Variants in LRRK1 observed in about 807,000 individuals in gnomAD.
The protein encoded by LRRK1 is leucine-rich repeat serine/threonine-protein kinase 1.
LRRK1 carries 113 observed loss-of-function variants against 209.1 expected under a neutral mutation model. The observed-to-expected ratio is 0.54, with a 90% CI of 0.46 to 0.63. The LOEUF (loss-of-function observed/expected upper bound fraction) is 0.63. Ranked by LOEUF, LRRK1 falls within the 30% of genes least tolerant of loss-of-function variation. The pLI is 0.00. For synonymous variants in LRRK1, 1,144 were observed against 1,099.7 expected (o/e 1.04, Z -0.80); for missense variants, 2,284 against 2,632.2 (o/e 0.87, Z 2.89).
At chr15:101,011,805 C>T (rs917947116) in intron 9 of LRRK1, among the ~76,000 whole-genome samples, 11 of 152,192 alleles carry the variant, frequency 7.2e-5, no homozygotes, top group African/African-American at 2.7e-4. Flanking sequence ...CAGGAAACCC[C>T]ATTCCTGTCC....
intron 27 of LRRK1, 103 bp downstream of exon 27, chr15:101,055,326 C>T: frequency 3.5e-6 from 4 of 1,131,668 alleles, no homozygotes; most frequent in Non-Finnish European, 1.2e-6. Flanking sequence ...GCTCAGCATC[C>T]CCAAAAGCAC....
At position 101,022,440 on chromosome 15, in the gene LRRK1, A is replaced by G. The variant is rs1305528910; in HGVS notation, c.1910A>G (p.Lys637Arg). The G allele has an allele frequency of 7.4e-6, 12 of 1,614,238 alleles. No homozygotes were observed. Among genetic ancestry groups the G allele is most frequent in the Non-Finnish European group, 1.0e-5 (12 of 1,180,040 alleles). The change falls in exon 15 of 34, where the codon AAG becomes AGG. Residue 637 changes from lysine (K) to arginine (R), a missense_variant. Around this residue, in one of 6 missense-constraint regions of LRRK1, gnomAD observed 494 missense variants for 522.1 expected, o/e 0.95. Transcript: ENST00000388948. The surrounding 1 kb of genome is among the most constrained non-coding windows in gnomAD (Gnocchi z 4.0). ...RAQLRKAEKC[K>R]LMKMIIVGPP... The stretch of plus-strand genomic sequence containing the variant: ...CAGCTGCGGAAAGCGGAAAAGTGCA[A>G]GCTGATGAAGATGATCATCGTGGGT...
At chr15:100,943,482 T>G (rs2042480403) in intron 2 of LRRK1, among the ~76,000 whole-genome samples, 1 of 152,220 alleles carries the variant, frequency 6.6e-6, no homozygotes, top group South Asian at 2.1e-4. Context: ...AACAAATTTC[T>G]ATCTTTGTTG....
intron 3 of LRRK1, among the ~76,000 whole-genome samples, chr15:100,980,622 T>G (rs2031546739): frequency 6.6e-6 from 1 of 152,214 alleles, no homozygotes; most frequent in African/African-American, 2.4e-5. Context: ...CGGGGGAAAC[T>G]GGATGAAGGA....
intron 20 of LRRK1, chr15:101,043,956 A>G (rs766914283): frequency 1.3e-5 from 2 of 152,204 alleles, no homozygotes; most frequent in African/African-American, 4.8e-5. Context: ...CAGTATTGAC[A>G]GTCCAGTTAT....
chr15:101,046,276 C>A, intron 21 of LRRK1, 124 bp downstream of exon 21: 3 of 1,094,764 alleles, frequency 2.7e-6, no homozygotes, highest in Non-Finnish European at 4.0e-6. Context: ...AGAGCCATGC[C>A]ACCAATGTAG....
In LRRK1 at chr15:101,004,363, C is replaced by T. The variant is rs1035259273; in HGVS notation, c.763-4474C>T. ...AGTGGGCTAGGGAGAGCTGAAAGGT[C>T]TTGCGCAGACTTTGATATTTCAGGA... On this transcript the variant is annotated intron_variant, in intron 6 of 33. Coordinates refer to ENST00000388948, the MANE Select transcript of LRRK1 (RefSeq NM_024652.6). Among the ~76,000 whole-genome samples the T allele has an allele frequency of 6.6e-5, 10 of 152,164 alleles. No homozygotes were observed. In the South Asian group the frequency reaches 1.9e-3, roughly 28 times the overall value.
chr15:100,999,645 T>C (rs1042560159), intron 6 of LRRK1, among the ~76,000 whole-genome samples: 29 of 152,252 alleles, frequency 1.9e-4, no homozygotes, highest in Admixed American at 1.8e-3. Flanking sequence ...ATAGGAACTA[T>C]TTGTTATTTG....
At chr15:100,992,479 C>A (rs1215410362) in intron 6 of LRRK1, among the ~76,000 whole-genome samples, 1 of 152,100 alleles carries the variant, frequency 6.6e-6, no homozygotes, top group Non-Finnish European at 1.5e-5. Flanking sequence ...TGCTGTTGAA[C>A]AGTTTTACTT....
Position 101,071,268 on chromosome 15 carries a change from ACTTACCACC to A in LRRK1, c.*2423_*2431del, listed in dbSNP as rs2036794266. ...ACCACAGGCATCTCAGATAGATGTC[ACTTACCACC>A]CTCATGTTGGCAGAGGGTGGTAACC... On this transcript the variant is annotated 3_prime_UTR_variant, in exon 34 of 34. Coordinates refer to ENST00000388948, the MANE Select transcript of LRRK1 (RefSeq NM_024652.6). 6.6e-6 allele frequency: 1 copy of A among 152,242 alleles called. No individual in the cohort carries two copies. Among genetic ancestry groups the A allele is most frequent in the African/African-American group, 2.4e-5 (1 of 41,454 alleles). 9.4% of individuals were successfully genotyped at this position (152,242 alleles called of 1,614,324 possible). A position where few individuals can be genotyped will look rare whatever the true frequency, so the allele number is the denominator to read the frequency against.
chr15:100,989,069 G>A (rs918078562), intron 5 of LRRK1, among the ~76,000 whole-genome samples, 181 bp from the exon 6 acceptor site: 2 of 152,204 alleles, frequency 1.3e-5, no homozygotes, highest in Non-Finnish European at 2.9e-5. Context: ...CACTCCAAAG[G>A]GCAAAGCCCC....
Position 101,076,488 on chromosome 15 carries a change from TC to T in LRRK1, c.*7641del, listed in dbSNP as rs1567302912. 6.6e-6 allele frequency: 1 copy of T among 152,102 alleles called. No individual in the cohort carries two copies. Among genetic ancestry groups the T allele is most frequent in the African/African-American group, 2.4e-5 (1 of 41,344 alleles). The allele number at this position is 152,102 out of a possible 1,614,324, so 9.4% of individuals were successfully genotyped here. A position where few individuals can be genotyped will look rare whatever the true frequency, so the allele number is the denominator to read the frequency against. The stretch of plus-strand genomic sequence containing the variant: ...TTCACCCCATTTCCCCACATTTCCT[TC>T]TTCCCTGCTTCTCACCCTGATCACA... On this transcript the variant is annotated 3_prime_UTR_variant, in exon 34 of 34. Coordinates refer to ENST00000388948, the MANE Select transcript of LRRK1 (RefSeq NM_024652.6).
In LRRK1 at chr15:101,008,691, C is replaced by T. The variant is rs748143565; in HGVS notation, c.763-146C>T. On this transcript the variant is annotated intron_variant, in intron 6 of 33. Coordinates refer to ENST00000388948, the MANE Select transcript of LRRK1 (RefSeq NM_024652.6). ...CCACCACCGTGGCAGGTGCCGGCGG[C>T]CGAGAAGGACATGTGCAGGCCTCTT... 278 of 650,598 alleles carry T rather than the reference C, an allele frequency of 4.3e-4. 1 individual carries two copies. Among genetic ancestry groups the T allele is most frequent in the Non-Finnish European group, 7.1e-4 (262 of 371,184 alleles). The allele number at this position is 650,598 out of a possible 1,614,324, so 40.3% of individuals were successfully genotyped here.
chr15:100,964,770 G>A (rs1478237475), intron 2 of LRRK1, among the ~76,000 whole-genome samples: 1 of 143,922 alleles, frequency 6.9e-6, no homozygotes, highest in Non-Finnish European at 1.5e-5. Flanking sequence ...CCTTGGTGGG[G>A]AGAAGAGAAA....
chr15:100,983,496 G>A, intron 3 of LRRK1, 32 bp from the exon 4 acceptor site: 2 of 1,539,742 alleles, frequency 1.3e-6, no homozygotes, highest in Non-Finnish European at 8.8e-7. Context: ...AATAGAGCCA[G>A]TCTCACTGGA....
At chr15:101,067,329 G>A (rs754923000) in intron 33 of LRRK1, 11 of 455,840 alleles carry the variant, frequency 2.4e-5, no homozygotes, top group South Asian at 1.1e-4. Context: ...TGAGGCTGGC[G>A]CCAGCTGCAG....
intron 2 of LRRK1, among the ~76,000 whole-genome samples, chr15:100,973,126 G>A (rs1439494913): frequency 6.6e-6 from 1 of 152,236 alleles, no homozygotes; most frequent in Non-Finnish European, 1.5e-5. Flanking sequence ...CCCCGTGAGT[G>A]ACCGCCGCTT....
chr15:101,036,183 A>C (rs2034486950), intron 20 of LRRK1, among the ~76,000 whole-genome samples: 1 of 152,242 alleles, frequency 6.6e-6, no homozygotes, highest in African/African-American at 2.4e-5. Flanking sequence ...AGGTTTTCCT[A>C]ACCCTTTCAT....
rs759743498 is a variant in LRRK1, at chr15:101,021,871, C to A, written c.1766C>A (p.Pro589His). Reference protein sequence around the residue: ...GNNPGLRELPPELGQLGNLWQ... With the variant: ...GNNPGLRELPHELGQLGNLWQ... ...AACCCTGGCCTCCGGGAGCTCCCTC[C>A]TGAGCTGGGGCAGCTGGGCAACCTC... Residue 589 changes from proline (P) to histidine (H), a missense_variant, in exon 14 of 34, where the codon CCT (proline) becomes CAT (histidine). Pro to His is a moderately conservative substitution (Grantham distance 77). Around this residue, in one of 6 missense-constraint regions of LRRK1, gnomAD observed 494 missense variants for 522.1 expected, o/e 0.95. Transcript: ENST00000388948. The A allele has an allele frequency of 2.5e-6, 4 of 1,613,912 alleles. No individual in the cohort carries two copies. In the East Asian group the frequency reaches 8.9e-5, roughly 36 times the overall value.
Sources: allele counts gnomAD v4.1 joint callset (sites outside exome capture counted in the v4.1 genomes callset), GRCh38; gene constraint gnomAD v4.1.1; regional missense constraint gnomAD v4.1.1; non-coding constraint Gnocchi (gnomAD v3.1); transcripts MANE v1.5; gene names NCBI Gene and HGNC (gene_info 2026-07-23, HGNC 2026-07-21).